CSMD3: variants seen among roughly 807,000 people sequenced by gnomAD.
CSMD3 encodes the protein CUB and Sushi multiple domains 3.
In CSMD3, 177 loss-of-function variants were observed where a neutral mutation model predicts 435.2. That is an observed-to-expected ratio of 0.41 (90% CI 0.36 to 0.46). The LOEUF (loss-of-function observed/expected upper bound fraction) is 0.46, where lower values mean the gene tolerates loss of function less well. Among genes scored for constraint, CSMD3 ranks in the 20% least tolerant of loss-of-function variants. The pLI is 0.34. For synonymous variants in CSMD3, 1,656 were observed against 1,520.5 expected (o/e 1.09, Z -2.07); for missense variants, 4,265 against 4,504.6 (o/e 0.95, Z 1.52).
intron 5 of CSMD3, among the ~76,000 whole-genome samples, chr8:113,035,849 A>C (rs1221628421): frequency 6.6e-6 from 1 of 152,008 alleles, no homozygotes; most frequent in East Asian, 1.9e-4. Flanking sequence ...AACTATTATT[A>C]GTACATATAG....
chr8:112,927,163 C>T (rs1369677366), intron 9 of CSMD3, among the ~76,000 whole-genome samples: 2 of 151,916 alleles, frequency 1.3e-5, no homozygotes, highest in East Asian at 1.9e-4. Flanking sequence ...TGAGTAATTG[C>T]ACATTAGAAT....
chr8:112,533,750 C>A (rs1031259798), intron 27 of CSMD3, among the ~76,000 whole-genome samples: 1 of 152,092 alleles, frequency 6.6e-6, no homozygotes, highest in African/African-American at 2.4e-5. Flanking sequence ...TGGAATAAAA[C>A]TACACTGCAC....
chr8:112,446,216 T>C (rs1447586756), intron 32 of CSMD3, among the ~76,000 whole-genome samples: 2 of 152,198 alleles, frequency 1.3e-5, no homozygotes, highest in Non-Finnish European at 2.9e-5. Context: ...TTGACTACAA[T>C]GTGTCCCCTG....
chr8:112,335,737 G>GTTT (rs60064881), intron 44 of CSMD3, among the ~76,000 whole-genome samples: 115 of 134,364 alleles, frequency 8.6e-4, no homozygotes, highest in Middle Eastern at 3.8e-3. Context: ...CATTGTCTTT[G>GTTT]TTTTTTTTTT....
At chr8:112,454,550 C>T (rs1480799893) in intron 32 of CSMD3, among the ~76,000 whole-genome samples, 1 of 152,132 alleles carries the variant, frequency 6.6e-6, no homozygotes, top group Non-Finnish European at 1.5e-5. Flanking sequence ...TACCATCTCA[C>T]ATTAGTCAGA....
At chr8:112,731,193 A>AT (rs773070717) in intron 13 of CSMD3, among the ~76,000 whole-genome samples, 3 of 144,478 alleles carry the variant, frequency 2.1e-5, no homozygotes, top group African/African-American at 7.7e-5. Context: ...TGATAATTTC[A>AT]TTTTAAGAGG....
chr8:112,273,636 G>T (rs1405142253), intron 59 of CSMD3, among the ~76,000 whole-genome samples: 1 of 149,648 alleles, frequency 6.7e-6, no homozygotes, highest in Non-Finnish European at 1.5e-5. Context: ...TGAGGCAGGA[G>T]AATGGCGTGA....
chr8:112,538,191 T>C (rs538961759), intron 27 of CSMD3, among the ~76,000 whole-genome samples: 1 of 152,134 alleles, frequency 6.6e-6, no homozygotes, highest in Admixed American at 6.6e-5. Context: ...GGAAGGAATA[T>C]ATCTAAAAAT....
chr8:112,475,157 T>G (rs2130769166), intron 31 of CSMD3, among the ~76,000 whole-genome samples: 1 of 152,308 alleles, frequency 6.6e-6, no homozygotes, highest in Non-Finnish European at 1.5e-5. Flanking sequence ...TAAACTCTTA[T>G]TTTTATATTT....
intron 32 of CSMD3, among the ~76,000 whole-genome samples, chr8:112,457,879 G>A (rs1489498169): frequency 6.6e-6 from 1 of 151,976 alleles, no homozygotes; most frequent in Non-Finnish European, 1.5e-5. Flanking sequence ...ATGGAGGAGT[G>A]ATCAACTAAG....
chr8:112,811,927 A>G (rs1000317835), intron 12 of CSMD3, among the ~76,000 whole-genome samples: 13 of 152,294 alleles, frequency 8.5e-5, no homozygotes, highest in African/African-American at 3.1e-4. Context: ...AGAAACCTTC[A>G]ACCCTGACAG....
intron 23 of CSMD3, among the ~76,000 whole-genome samples, chr8:112,578,836 A>C (rs181254431): frequency 6.6e-6 from 1 of 152,072 alleles, no homozygotes; most frequent in East Asian, 1.9e-4. Flanking sequence ...CTCCCAATAA[A>C]ATTTTACTTA....
intron 45 of CSMD3, among the ~76,000 whole-genome samples, chr8:112,333,539 G>A (rs1040325791): frequency 1.3e-5 from 2 of 152,046 alleles, no homozygotes; most frequent in African/African-American, 4.8e-5. Flanking sequence ...AAAGTCAAGT[G>A]AAACATTTTG....
chr8:112,614,509 A>T (rs1219816444), intron 22 of CSMD3, among the ~76,000 whole-genome samples: 1 of 151,894 alleles, frequency 6.6e-6, no homozygotes, highest in Non-Finnish European at 1.5e-5. Context: ...TACTCATTCA[A>T]CTTTCAATGT....
At chr8:112,428,514 G>A (rs1002877699) in intron 32 of CSMD3, among the ~76,000 whole-genome samples, 2 of 152,082 alleles carry the variant, frequency 1.3e-5, no homozygotes, top group Non-Finnish European at 2.9e-5. Context: ...AATATTTATT[G>A]AGAACTGATA....
intron 7 of CSMD3, among the ~76,000 whole-genome samples, chr8:112,971,419 A>C (rs1346501577): frequency 1.3e-5 from 2 of 152,172 alleles, no homozygotes; most frequent in Non-Finnish European, 2.9e-5. Context: ...TAGTTCTTTG[A>C]CCAAAACTCA....
intron 6 of CSMD3, among the ~76,000 whole-genome samples, chr8:112,986,431 T>C (rs1287244325): frequency 6.6e-6 from 1 of 152,120 alleles, no homozygotes; most frequent in Non-Finnish European, 1.5e-5. Flanking sequence ...ATGGGCATGA[T>C]GACATCACAA....
chr8:113,147,200 G>T (rs921775003), intron 4 of CSMD3, among the ~76,000 whole-genome samples: 1 of 151,650 alleles, frequency 6.6e-6, no homozygotes. Context: ...TGGAAAAGAA[G>T]CTTTCTATGG....
chr8:112,690,100 A>C, intron 13 of CSMD3, 50 bp from the exon 14 acceptor site: 1 of 1,301,936 alleles, frequency 7.7e-7, no homozygotes, highest in Non-Finnish European at 1.1e-6. Context: ...CAGGCATATG[A>C]TACCCATAAT....
Sources: allele counts gnomAD v4.1 joint callset (sites outside exome capture counted in the v4.1 genomes callset), GRCh38; gene constraint gnomAD v4.1.1; transcripts MANE v1.5; gene names NCBI Gene and HGNC (gene_info 2026-07-23, HGNC 2026-07-21).